The following TENM3 variants were observed in gnomAD, a reference collection of about 807,000 sequenced individuals.
The protein encoded by TENM3 is teneurin-3.
In TENM3, 63 loss-of-function variants were observed where a neutral mutation model predicts 255.1. That is an observed-to-expected ratio of 0.25 (90% CI 0.20 to 0.30). TENM3 has a LOEUF of 0.30. Ranked by LOEUF, TENM3 falls within the 10% of genes least tolerant of loss-of-function variation. The pLI, the probability that TENM3 is intolerant of heterozygous loss-of-function variation, is 1.00. For synonymous variants in TENM3, 1,306 were observed against 1,322.3 expected (o/e 0.99, Z 0.27); for missense variants, 2,929 against 3,461.1 (o/e 0.85, Z 3.86).
chr4:181,854,449 A>G, the TENM3 span, among the ~76,000 whole-genome samples: 6 of 152,208 alleles, frequency 3.9e-5, no homozygotes, highest in African/African-American at 1.2e-4. Context: ...CAAATGTGCC[A>G]AACTACGGTA....
the TENM3 span, among the ~76,000 whole-genome samples, chr4:181,983,211 A>T: frequency 6.6e-6 from 1 of 152,122 alleles, no homozygotes; most frequent in Non-Finnish European, 1.5e-5. Flanking sequence ...CGTAGGTATT[A>T]ATTTCTTTAA....
chr4:182,254,064 A>G (rs1203366342), intron 1 of TENM3, among the ~76,000 whole-genome samples: 2 of 152,082 alleles, frequency 1.3e-5, no homozygotes, highest in African/African-American at 4.8e-5. Context: ...GGATGTTTTA[A>G]TTATTATATT....
At chr4:181,960,461 A>T in the TENM3 span, among the ~76,000 whole-genome samples, 1 of 152,248 alleles carries the variant, frequency 6.6e-6, no homozygotes, top group Non-Finnish European at 1.5e-5. Flanking sequence ...CTTTAAATCG[A>T]AGTCAAGTCA....
chr4:181,855,340 G>A, the TENM3 span, among the ~76,000 whole-genome samples: 5 of 152,164 alleles, frequency 3.3e-5, no homozygotes, highest in Non-Finnish European at 7.4e-5. Flanking sequence ...GATAAGGTAA[G>A]ATTACTAGCT....
At chr4:181,666,825 C>T in the TENM3 span, among the ~76,000 whole-genome samples, 1 of 152,160 alleles carries the variant, frequency 6.6e-6, no homozygotes, top group Non-Finnish European at 1.5e-5. Context: ...ACAGATAACA[C>T]ATCCCCTGGC....
At chr4:181,672,234 T>C in the TENM3 span, among the ~76,000 whole-genome samples, 5 of 152,318 alleles carry the variant, frequency 3.3e-5, no homozygotes, top group African/African-American at 1.2e-4. Context: ...TCACTTCTTC[T>C]GTGAAATAGA....
At chr4:182,012,963 T>G in the TENM3 span, 1 of 152,116 alleles carries the variant, frequency 6.6e-6, no homozygotes, top group Non-Finnish European at 1.5e-5. Context: ...CCTTGCACTT[T>G]CATGGTATTT....
At chr4:182,277,346 G>T (rs1018796017) in intron 1 of TENM3, among the ~76,000 whole-genome samples, 10 of 151,706 alleles carry the variant, frequency 6.6e-5, no homozygotes, top group Non-Finnish European at 2.9e-5. Context: ...GGTAGAGTTG[G>T]GGGGTGGGGG....
intron 1 of TENM3, among the ~76,000 whole-genome samples, chr4:182,291,303 T>G (rs2150324361): frequency 6.6e-6 from 1 of 152,228 alleles, no homozygotes; most frequent in Middle Eastern, 3.4e-3. Context: ...CCCCAGGTTG[T>G]TTTACAAAGC....
chr4:182,420,563 C>T (rs914370452), intron 3 of TENM3, among the ~76,000 whole-genome samples: 1 of 152,170 alleles, frequency 6.6e-6, no homozygotes, highest in Non-Finnish European at 1.5e-5. Context: ...AACATGGCTA[C>T]AATTTTTCCA....
the TENM3 span, among the ~76,000 whole-genome samples, chr4:181,752,793 AT>A: frequency 6.6e-6 from 1 of 152,164 alleles, no homozygotes; most frequent in African/African-American, 2.4e-5. Flanking sequence ...AGAAAAAAAA[AT>A]AGATCTTTTA....
the TENM3 span, among the ~76,000 whole-genome samples, chr4:181,722,407 T>A: frequency 1.3e-5 from 2 of 152,108 alleles, no homozygotes; most frequent in African/African-American, 2.4e-5. Flanking sequence ...GGATAGAAAC[T>A]CTATTGCAAT....
At chr4:182,226,524 G>A (rs1756165827) in intron 1 of TENM3, among the ~76,000 whole-genome samples, 1 of 152,118 alleles carries the variant, frequency 6.6e-6, no homozygotes, top group African/African-American at 2.4e-5. Context: ...GAATCAAGCT[G>A]ATGATGAGCA....
chr4:182,024,585 T>C, the TENM3 span, among the ~76,000 whole-genome samples: 4 of 152,190 alleles, frequency 2.6e-5, no homozygotes, highest in Non-Finnish European at 2.9e-5. Context: ...AGCAGGTGTA[T>C]ATATTCATGG....
chr4:181,898,074 T>C, the TENM3 span, among the ~76,000 whole-genome samples: 3 of 152,206 alleles, frequency 2.0e-5, no homozygotes, highest in African/African-American at 7.2e-5. Context: ...AATTCTTTCT[T>C]CCTCTGCTGT....
rs577421624 is a variant in TENM3, at chr4:182,745,073, AAT to A, written c.3629+1657_3629+1658del. ...AATGATATCAGATAGAAATATTAAT[AAT>A]ATTTTATGTGAGGTCTTTTAGATGA... On this transcript the variant is annotated intron_variant, in intron 19 of 27. Transcript: ENST00000511685. 1.7e-3 allele frequency among the ~76,000 whole-genome samples: 260 copies of A among 152,338 alleles called. 1 individual carries two copies. The highest frequency in any genetic ancestry group is 0.01 in the Middle Eastern group (3 of 294).
At chr4:182,342,288 A>G (rs964746428) in intron 2 of TENM3, among the ~76,000 whole-genome samples, 3 of 152,264 alleles carry the variant, frequency 2.0e-5, no homozygotes, top group Non-Finnish European at 1.5e-5. Context: ...ATACAATGGA[A>G]TATTATTCAG....
At chr4:181,484,486 T>C in the TENM3 span, among the ~76,000 whole-genome samples, 1 of 152,256 alleles carries the variant, frequency 6.6e-6, no homozygotes, top group African/African-American at 2.4e-5. Context: ...ATTCTAGTAA[T>C]TTACAATATT....
At chr4:181,634,678 G>T in the TENM3 span, among the ~76,000 whole-genome samples, 1 of 151,952 alleles carries the variant, frequency 6.6e-6, no homozygotes, top group Non-Finnish European at 1.5e-5. Context: ...ATCTCTAATG[G>T]ATGATCCATA....
Sources: allele counts gnomAD v4.1 joint callset (sites outside exome capture counted in the v4.1 genomes callset), GRCh38; gene constraint gnomAD v4.1.1; transcripts MANE v1.5; gene names NCBI Gene and HGNC (gene_info 2026-07-23, HGNC 2026-07-21).